Variants in GREM2 observed in about 807,000 individuals in gnomAD.
The protein encoded by GREM2 is gremlin 2, DAN family BMP antagonist.
A neutral mutation model predicts 14.2 loss-of-function variants in GREM2; 11 were observed. That is an observed-to-expected ratio of 0.78 (90% CI 0.49 to 1.28). The LOEUF is 1.28. Among genes scored for constraint, GREM2 ranks in the 50% most tolerant of loss-of-function variants. GREM2 has a pLI of 0.00. For missense variants in GREM2, 210 were observed against 218.5 expected (o/e 0.96, Z 0.24); for synonymous variants, 98 against 97.6 (o/e 1.00, Z -0.02).
intron 1 of GREM2, among the ~76,000 whole-genome samples, chr1:240,564,066 G>A (rs994173918): frequency 1.3e-5 from 2 of 152,074 alleles, no homozygotes; most frequent in African/African-American, 4.8e-5. Context: ...AAAATTGGCT[G>A]GGTATGGTGG....
At chr1:240,591,522 T>C (rs994889783) in intron 1 of GREM2, among the ~76,000 whole-genome samples, 1 of 152,192 alleles carries the variant, frequency 6.6e-6, no homozygotes, top group Non-Finnish European at 1.5e-5. Flanking sequence ...CTCATGTTAG[T>C]CGACGCTCAC....
At position 240,542,058 on chromosome 1, in the gene GREM2, G is replaced by A. The variant is rs746127299; in HGVS notation, c.-1-48582C>T. 1.3e-5 allele frequency among the ~76,000 whole-genome samples: 2 copies of A among 152,122 alleles called. No individual in the cohort carries two copies. The highest frequency in any genetic ancestry group is 2.9e-5 in the Non-Finnish European group (2 of 68,030). ...CAGGGGACATTTGTCAATGTGTGGA[G>A]GCATTTTTGGTCATCACCACTATGA... On this transcript the variant is annotated intron_variant, in intron 1 of 1. Coordinates refer to ENST00000318160, the MANE Select transcript of GREM2 (RefSeq NM_022469.4). This position sits in a 1 kb window ranked among gnomAD's most constrained non-coding sequence, Gnocchi z 4.1.
intron 1 of GREM2, among the ~76,000 whole-genome samples, chr1:240,573,005 C>T (rs1324920210): frequency 6.6e-6 from 1 of 151,990 alleles, no homozygotes; most frequent in Non-Finnish European, 1.5e-5. Flanking sequence ...CAAAATAATG[C>T]TAAATAGAGC....
rs1254235193 is a variant in GREM2 at position 240,610,411 on chromosome 1, G to A, written c.-2+1473C>T. On this transcript the variant is annotated intron_variant, in intron 1 of 1. Transcript: ENST00000318160. ...CCCAGTTAAATCATTCAGATCAGTC[G>A]ATGGGCAAAAACTATGAAGTTTTCC... Among the ~76,000 whole-genome samples the A allele has an allele frequency of 2.6e-5, 4 of 152,158 alleles. 1 individual carries two copies. The highest frequency in any genetic ancestry group is 1.9e-4 in the East Asian group (1 of 5,198).
chr1:240,550,410 A>G lies in GREM2; in HGVS notation c.-1-56934T>C, dbSNP rs1293583292. On this transcript the variant is annotated intron_variant, in intron 1 of 1. Transcript: ENST00000318160. ...TACAGATTAATGATTTGTTAAAACA[A>G]ACAAACAAACAAACAAACAAACTCC... 3 of 152,346 alleles carry G rather than the reference A, an allele frequency of 2.0e-5. No individual in the cohort carries two copies. The East Asian group carries it at 5.8e-4, about 29-fold the overall frequency. 9.4% of individuals were successfully genotyped at this position (152,346 alleles called of 1,614,324 possible).
chr1:240,517,950 G>A (rs1284838331), intron 1 of GREM2, among the ~76,000 whole-genome samples: 2 of 152,038 alleles, frequency 1.3e-5, no homozygotes, highest in African/African-American at 4.8e-5. Flanking sequence ...TTCAAAAAAT[G>A]GCATTATAGC....
chr1:240,495,947 GTTTTT>G (rs200427812), intron 1 of GREM2, among the ~76,000 whole-genome samples: 1 of 145,704 alleles, frequency 6.9e-6, no homozygotes, highest in African/African-American at 2.6e-5. Context: ...TTTTGTTTTT[GTTTTT>G]TTTTTGATGG....
In GREM2 at chr1:240,521,507, C is replaced by A. The variant is rs534084000; in HGVS notation, c.-1-28031G>T. Among the ~76,000 whole-genome samples the A allele has an allele frequency of 2.0e-5, 3 of 151,856 alleles. No homozygotes were observed. In the East Asian group the frequency reaches 5.8e-4, roughly 30 times the overall value. ...AATGGCGTGAACCCGGGAGGCGGAG[C>A]TTACAGTGAGCCGAGATGGCACCAC... On this transcript the variant is annotated intron_variant, in intron 1 of 1. Transcript: ENST00000318160.
At chr1:240,584,810 A>G (rs1679558920) in intron 1 of GREM2, among the ~76,000 whole-genome samples, 1 of 152,168 alleles carries the variant, frequency 6.6e-6, no homozygotes, top group South Asian at 2.1e-4. Flanking sequence ...AAAGTATGTG[A>G]GAGGAAGCTC....
chr1:240,604,366 G>C (rs894940472), intron 1 of GREM2, among the ~76,000 whole-genome samples: 4 of 150,870 alleles, frequency 2.7e-5, no homozygotes, highest in Non-Finnish European at 5.9e-5. Flanking sequence ...CAATTGTCTG[G>C]TCCTGTTTAT....
chr1:240,594,933 A>G (rs1428903020), intron 1 of GREM2, among the ~76,000 whole-genome samples: 1 of 152,194 alleles, frequency 6.6e-6, no homozygotes, highest in Non-Finnish European at 1.5e-5. Context: ...ACACAGTGAT[A>G]AACATTTGTG....
chr1:240,509,804 A>G (rs7545242), intron 1 of GREM2, among the ~76,000 whole-genome samples: 34,309 of 152,120 alleles, frequency 0.23, 4,737 homozygotes, highest in Non-Finnish European at 0.3. Flanking sequence ...CTGTTATGGT[A>G]GAAGGGGCCA....
intron 1 of GREM2, among the ~76,000 whole-genome samples, chr1:240,501,156 C>A: frequency 6.6e-6 from 1 of 152,024 alleles, no homozygotes; most frequent in East Asian, 1.9e-4. Context: ...ACAACTTACC[C>A]GAAGTGAGAG....
At chr1:240,544,068 C>T (rs922988054) in intron 1 of GREM2, among the ~76,000 whole-genome samples, 1 of 151,950 alleles carries the variant, frequency 6.6e-6, no homozygotes. Flanking sequence ...GATGTATAGA[C>T]ACTGTACTAG....
chr1:240,494,898 C>A (rs1677374353), intron 1 of GREM2, among the ~76,000 whole-genome samples: 1 of 151,302 alleles, frequency 6.6e-6, no homozygotes, highest in African/African-American at 2.4e-5. Context: ...GAGACTCCGG[C>A]TCAGAAAAAA....
At chr1:240,582,604 T>A (rs1378610581) in intron 1 of GREM2, among the ~76,000 whole-genome samples, 2 of 152,274 alleles carry the variant, frequency 1.3e-5, no homozygotes, top group African/African-American at 2.4e-5. Flanking sequence ...AAGACCAGCC[T>A]GTCCAACATG....
At chr1:240,604,578 T>G (rs1479735643) in intron 1 of GREM2, among the ~76,000 whole-genome samples, 2 of 152,180 alleles carry the variant, frequency 1.3e-5, no homozygotes, top group Non-Finnish European at 2.9e-5. Context: ...CTAAAGAGAA[T>G]GTGATATTTC....
rs577823528 is a variant in GREM2 at position 240,542,800 on chromosome 1, T to C, written c.-1-49324A>G. On this transcript the variant is annotated intron_variant, in intron 1 of 1. Coordinates refer to ENST00000318160, the MANE Select transcript of GREM2 (RefSeq NM_022469.4). The surrounding 1 kb of genome is among the most constrained non-coding windows in gnomAD (Gnocchi z 4.1). ...AATAAAACTTTGCTATGCTTCTGAT[T>C]TGAGACAAAGATACTGTAATGTTTT... Among the ~76,000 whole-genome samples the C allele has an allele frequency of 6.6e-6, 1 of 152,180 alleles. No individual in the cohort carries two copies. The highest frequency in any genetic ancestry group is 6.5e-5 in the Admixed American group (1 of 15,270).
At chr1:240,552,735 A>G (rs980536801) in intron 1 of GREM2, among the ~76,000 whole-genome samples, 9 of 152,374 alleles carry the variant, frequency 5.9e-5, no homozygotes, top group East Asian at 1.9e-4. Flanking sequence ...GTATAAATGC[A>G]GAATGATAAT....
Sources: allele counts gnomAD v4.1 joint callset (sites outside exome capture counted in the v4.1 genomes callset), GRCh38; gene constraint gnomAD v4.1.1; non-coding constraint Gnocchi (gnomAD v3.1); transcripts MANE v1.5; gene names NCBI Gene and HGNC (gene_info 2026-07-23, HGNC 2026-07-21).